Variants in MTMR3 observed in about 807,000 individuals in gnomAD.
MTMR3 encodes the protein myotubularin related protein 3, also known as phosphatidylinositol-3,5-bisphosphate 3-phosphatase MTMR3.
In MTMR3, 32 loss-of-function variants were observed where a neutral mutation model predicts 132.4. That is an observed-to-expected ratio of 0.24 (90% confidence interval 0.18 to 0.32). MTMR3 has a LOEUF of 0.32. Ranked by LOEUF, MTMR3 falls within the 10% of genes least tolerant of loss-of-function variation. MTMR3 has a pLI of 1.00. For missense variants in MTMR3, 1,216 were observed against 1,489.6 expected (o/e 0.82, Z 3.02); for synonymous variants, 556 against 550.3 (o/e 1.01, Z -0.14).
At chr22:29,950,368 T>TA (rs1319817042) in intron 1 of MTMR3, among the ~76,000 whole-genome samples, 64 of 148,740 alleles carry the variant, frequency 4.3e-4, no homozygotes, top group Middle Eastern at 6.8e-3. Context: ...TTTTTATTTA[T>TA]TTTTTTATTT....
intron 1 of MTMR3, among the ~76,000 whole-genome samples, chr22:29,941,386 T>C (rs2065854468): frequency 6.6e-6 from 1 of 152,162 alleles, no homozygotes; most frequent in African/African-American, 2.4e-5. Flanking sequence ...CAGACCTTTT[T>C]GTGATAATGT....
At chr22:29,886,753 G>C (rs1262429827) in intron 1 of MTMR3, among the ~76,000 whole-genome samples, 2 of 152,188 alleles carry the variant, frequency 1.3e-5, no homozygotes, top group Admixed American at 6.5e-5. Flanking sequence ...AATGTATGTT[G>C]CAAGTGTTAT....
At chr22:29,980,627 A>T (rs938955019) in intron 5 of MTMR3, 3 of 152,250 alleles carry the variant, frequency 2.0e-5, no homozygotes, top group Non-Finnish European at 4.4e-5. Flanking sequence ...AATTATAATT[A>T]AATTGCATGT....
intron 12 of MTMR3, 41 bp from the exon 13 acceptor site, chr22:30,012,327 T>C (rs2067453683): frequency 1.3e-6 from 2 of 1,586,290 alleles, no homozygotes; most frequent in Non-Finnish European, 8.6e-7. Flanking sequence ...CAGTAAATCA[T>C]AAAAAAATCA....
At chr22:29,887,207 A>G (rs1361299973) in intron 1 of MTMR3, among the ~76,000 whole-genome samples, 4 of 152,194 alleles carry the variant, frequency 2.6e-5, no homozygotes, top group Admixed American at 6.5e-5. Flanking sequence ...AAGTGGGTAG[A>G]TAGTAAATCT....
intron 2 of MTMR3, among the ~76,000 whole-genome samples, chr22:29,969,864 T>C (rs1187664035): frequency 6.6e-6 from 1 of 152,170 alleles, no homozygotes; most frequent in African/African-American, 2.4e-5. Flanking sequence ...TCTCCTACCA[T>C]TCCTCTGCTC....
chr22:29,943,808 G>A (rs1265052455), intron 1 of MTMR3, among the ~76,000 whole-genome samples: 2 of 60,672 alleles, frequency 3.3e-5, no homozygotes, highest in African/African-American at 7.2e-5. Context: ...GCTCCTTCAT[G>A]TGGACAACTT....
intron 1 of MTMR3, among the ~76,000 whole-genome samples, chr22:29,942,310 T>A (rs1479823695): frequency 6.6e-6 from 1 of 152,094 alleles, no homozygotes; most frequent in Non-Finnish European, 1.5e-5. Flanking sequence ...ACGAATAGGG[T>A]GTGGGTCACA....
rs57076001 is a variant in MTMR3 at position 29,986,502 on chromosome 22, GT to G, written c.211-1967del. ...TCTCTGATAAATTGTAGGTTTGTTT[GT>G]TTTTTTTTTTCCTTCTTAGATGCAC... On this transcript the variant is annotated intron_variant, in intron 5 of 19. Coordinates refer to ENST00000401950, the MANE Select transcript of MTMR3 (RefSeq NM_021090.4). 3.2e-3 allele frequency: 2,271 copies of G among 708,354 alleles called. 1 individual carries two copies. The highest frequency in any genetic ancestry group is 0.015 in the East Asian group (108 of 7,400). 43.9% of individuals were successfully genotyped at this position (708,354 alleles called of 1,614,324 possible). A position where few individuals can be genotyped will look rare whatever the true frequency, so the allele number is the denominator to read the frequency against.
At chr22:29,989,915 T>A (rs773394264) in intron 6 of MTMR3, 7 of 152,248 alleles carry the variant, frequency 4.6e-5, no homozygotes, top group Non-Finnish European at 1.0e-4. Flanking sequence ...CATTCATTGA[T>A]GATTTGTATC....
intron 1 of MTMR3, among the ~76,000 whole-genome samples, chr22:29,952,220 T>C (rs1303027162): frequency 6.6e-6 from 1 of 152,118 alleles, no homozygotes; most frequent in Non-Finnish European, 1.5e-5. Flanking sequence ...TAGATTTTTT[T>C]CCCCCTCGGG....
chr22:30,003,188 G>C, intron 9 of MTMR3, 195 bp downstream of exon 9: 1 of 435,736 alleles, frequency 2.3e-6, no homozygotes. Flanking sequence ...AACACTAGCT[G>C]GTTGTTCATT....
At chr22:30,023,206 GGTA>G in intron 19 of MTMR3, 1 of 544,802 alleles carries the variant, frequency 1.8e-6, no homozygotes, top group Admixed American at 3.2e-5. Context: ...TCTGGGTTAG[GGTA>G]GTGAGTTTAC....
At chr22:29,989,360 CT>C (rs1410484563) in intron 6 of MTMR3, 7 of 152,548 alleles carry the variant, frequency 4.6e-5, no homozygotes, top group African/African-American at 1.7e-4. Context: ...TCCTGAGTAG[CT>C]GGGGTTACAG....
Position 30,027,481 on chromosome 22 carries a change from CAG to C in MTMR3, c.*1681_*1682del, listed in dbSNP as rs1330190277. 3 of 152,758 alleles carry C rather than the reference CAG, an allele frequency of 2.0e-5. No individual in the cohort carries two copies. Among genetic ancestry groups the C allele is most frequent in the Admixed American group, 6.5e-5 (1 of 15,280 alleles). 9.5% of individuals were successfully genotyped at this position (152,758 alleles called of 1,614,324 possible). ...GCAACACAGTTTGAACGTGGTGAAA[CAG>C]GGTGTAGTTCTTTTCCACATTCTGT... On this transcript the variant is annotated 3_prime_UTR_variant, in exon 20 of 20. Transcript: ENST00000401950.
At chr22:29,959,448 A>G (rs5752988) in intron 2 of MTMR3, among the ~76,000 whole-genome samples, 118,955 of 152,062 alleles carry the variant, frequency 0.78, 46,959 homozygotes, top group East Asian at 0.91. Context: ...GCGCGACCTC[A>G]GCTCACTGCA....
chr22:30,022,244 G>A (rs2067779580), intron 18 of MTMR3, 105 bp downstream of exon 18: 3 of 852,988 alleles, frequency 3.5e-6, no homozygotes, highest in Non-Finnish European at 5.7e-6. Flanking sequence ...GCACCTCCCA[G>A]CACAGCTAGC....
rs1461579767 is a variant in MTMR3, at chr22:30,029,194, C to T, written c.*3393C>T. On this transcript the variant is annotated 3_prime_UTR_variant, in exon 20 of 20. Transcript: ENST00000401950. ...CTTCAGGCTGTAGAGGGAATTTGGT[C>T]TGAAGCAACAGGGCATGAACTGTGA... 2.0e-5 allele frequency: 3 copies of T among 152,308 alleles called. No homozygotes were observed. Among genetic ancestry groups the T allele is most frequent in the Non-Finnish European group, 4.4e-5 (3 of 68,038 alleles). 9.4% of individuals were successfully genotyped at this position (152,308 alleles called of 1,614,324 possible).
chr22:29,884,029 A>ATAAGATGATACTG (rs1477831270), intron 1 of MTMR3, among the ~76,000 whole-genome samples: 1 of 152,206 alleles, frequency 6.6e-6, no homozygotes, highest in Non-Finnish European at 1.5e-5. Context: ...TTCCGGACCC[A>ATAAGATGATACTG]TAAGATGATA....
Sources: gnomAD v4.1 joint callset for allele counts (sites outside exome capture counted in the v4.1 genomes callset) on GRCh38, gnomAD v4.1.1 for gene constraint, MANE v1.5 for transcripts, NCBI Gene and HGNC (gene_info 2026-07-23, HGNC 2026-07-21) for gene names.